Variants in STK3 observed in about 807,000 individuals in gnomAD.
STK3 encodes the protein serine/threonine-protein kinase 3.
A neutral mutation model predicts 58.0 loss-of-function variants in STK3; 41 were observed. That is an observed-to-expected ratio of 0.71 (90% confidence interval 0.55 to 0.92). The LOEUF is 0.92. Among genes scored for constraint, STK3 ranks in the 40% least tolerant of loss-of-function variants. The pLI is 0.00. For missense variants in STK3, 479 were observed against 602.7 expected, an observed-to-expected ratio of 0.79 and a Z score of 2.15; for synonymous variants, 170 against 191.0, an observed-to-expected ratio of 0.89 and a Z score of 0.91.
At chr8:98,454,557 T>C (rs989351900), downstream of STK3, 4 of 152,362 alleles carry the variant, frequency 2.6e-5, no homozygotes, top group African/African-American at 9.6e-5. Flanking sequence ...TAGCCTGTCC[T>C]AACTAATATA....
chr8:98,727,580 A>T (rs1015289274), intron 4 of STK3, among the ~76,000 whole-genome samples: 2 of 152,180 alleles, frequency 1.3e-5, no homozygotes, highest in African/African-American at 4.8e-5. Flanking sequence ...GTAAAGCACA[A>T]ACCACTGACT....
chr8:98,500,999 T>C (rs1034404988), intron 10 of STK3, among the ~76,000 whole-genome samples: 1 of 152,214 alleles, frequency 6.6e-6, no homozygotes, highest in Non-Finnish European at 1.5e-5. Flanking sequence ...TCTTCCACAA[T>C]GGTTGAACTA....
At chr8:98,678,358 TATC>T (rs1166856380) in intron 6 of STK3, among the ~76,000 whole-genome samples, 4 of 152,232 alleles carry the variant, frequency 2.6e-5, no homozygotes, top group South Asian at 2.1e-4. Context: ...AATTAAAACT[TATC>T]ATCAGAATAC....
At chr8:98,887,317 T>G (rs1346439468) in intron 1 of STK3, among the ~76,000 whole-genome samples, 3 of 152,166 alleles carry the variant, frequency 2.0e-5, no homozygotes, top group Admixed American at 1.3e-4. Context: ...TTGAATCATT[T>G]TGGAGTTCAG....
At position 98,585,749 on chromosome 8, in the gene STK3, G is replaced by C. The variant is rs190688515; in HGVS notation, c.823-5960C>G. ...ATGAGCATGGAATGTTCTTCCATTT[G>C]TTTGTATCCTCTTCTATTTTCTTGA... On this transcript the variant is annotated intron_variant, in intron 7 of 10. Transcript: ENST00000419617. Among the ~76,000 whole-genome samples the C allele has an allele frequency of 3.3e-5, 5 of 152,198 alleles. No homozygotes were observed. The East Asian group carries it at 5.8e-4, about 18-fold the overall frequency.
the STK3 span, among the ~76,000 whole-genome samples, chr8:98,354,650 A>G: frequency 6.6e-6 from 1 of 152,142 alleles, no homozygotes; most frequent in East Asian, 1.9e-4. Flanking sequence ...ATACATTCCA[A>G]TCTGGTAAAA....
intron 6 of STK3, among the ~76,000 whole-genome samples, chr8:98,700,974 GC>G (rs1405529025): frequency 6.6e-6 from 1 of 152,170 alleles, no homozygotes; most frequent in African/African-American, 2.4e-5. Context: ...CTGCACTCCA[GC>G]CTGGGTGACA....
chr8:98,415,310 A>G (rs1416518922), intron 3 of STK3, among the ~76,000 whole-genome samples: 3 of 152,234 alleles, frequency 2.0e-5, no homozygotes, highest in East Asian at 1.9e-4. Context: ...TTGTTATAGC[A>G]GCATAAATCA....
chr8:98,504,431 T>A (rs1223272803), intron 10 of STK3, among the ~76,000 whole-genome samples: 2 of 152,188 alleles, frequency 1.3e-5, no homozygotes, highest in Non-Finnish European at 2.9e-5. Flanking sequence ...ATCCTGTCAT[T>A]ATGATGTTAG....
chr8:98,511,378 T>C (rs1283461316), intron 10 of STK3, among the ~76,000 whole-genome samples: 1 of 151,980 alleles, frequency 6.6e-6, no homozygotes, highest in African/African-American at 2.4e-5. Flanking sequence ...CTATTAAGGA[T>C]TAAAAATATT....
intron 1 of STK3, among the ~76,000 whole-genome samples, chr8:98,897,479 CGT>C (rs1838498405): frequency 6.6e-6 from 1 of 151,564 alleles, no homozygotes; most frequent in African/African-American, 2.4e-5. Flanking sequence ...AGGAGAATGG[CGT>C]GAACTCGGGA....
chr8:98,905,237 C>A lies in STK3; in HGVS notation c.-78-21403G>T. ...GAAGTCGGGCTTGTGGACAACTACA[C>A]ATGCATTATCTTGCCTTGAAACTCT... On this transcript the variant is annotated intron_variant, in intron 1 of 1. Coordinates refer to the STK3 transcript ENST00000519420. 3 of 850,070 alleles carry A rather than the reference C, an allele frequency of 3.5e-6. No homozygotes were observed. In the South Asian group the frequency reaches 4.0e-5, roughly 11 times the overall value. 52.7% of individuals were successfully genotyped at this position (850,070 alleles called of 1,614,324 possible).
At chr8:98,931,592 G>T (rs924529600) in intron 1 of STK3, among the ~76,000 whole-genome samples, 4 of 152,188 alleles carry the variant, frequency 2.6e-5, no homozygotes, top group African/African-American at 9.7e-5. Context: ...TGGTTGTAAT[G>T]AGGTAACAGT....
chr8:98,648,318 A>G (rs555566214), intron 6 of STK3, among the ~76,000 whole-genome samples: 4 of 152,342 alleles, frequency 2.6e-5, no homozygotes, highest in African/African-American at 9.6e-5. Context: ...TAATGGCCGC[A>G]TGTTACAAGG....
At chr8:98,905,513 G>C in intron 1 of STK3, 1 of 1,117,504 alleles carries the variant, frequency 8.9e-7, no homozygotes, top group Non-Finnish European at 1.4e-6. Context: ...GATGCAAGTT[G>C]TGTATGGTAT....
intron 1 of STK3, among the ~76,000 whole-genome samples, chr8:98,385,566 G>A (rs1405604049): frequency 2.0e-5 from 3 of 152,040 alleles, no homozygotes; most frequent in Non-Finnish European, 4.4e-5. Flanking sequence ...AGGAAGGAGG[G>A]CGTCTCAGCT....
intron 1 of STK3, among the ~76,000 whole-genome samples, chr8:98,886,996 C>G (rs1170051924): frequency 1.3e-5 from 2 of 151,876 alleles, no homozygotes; most frequent in Non-Finnish European, 2.9e-5. Context: ...TACTTGGGAG[C>G]CTGAGGCAGG....
chr8:98,906,190 A>G (rs1838892683), intron 1 of STK3: 1 of 152,672 alleles, frequency 6.5e-6, no homozygotes, highest in East Asian at 1.9e-4. Context: ...CAGTTTTTCA[A>G]TTCCAAGGAT....
intron 1 of STK3, among the ~76,000 whole-genome samples, chr8:98,932,412 G>A (rs1251894036): frequency 6.6e-6 from 1 of 152,146 alleles, no homozygotes; most frequent in Non-Finnish European, 1.5e-5. Context: ...TGGATTCCCA[G>A]GTCTAGCTCT....
Sources: allele counts gnomAD v4.1 joint callset (sites outside exome capture counted in the v4.1 genomes callset), GRCh38; gene constraint gnomAD v4.1.1; transcripts MANE v1.5; gene names NCBI Gene and HGNC (gene_info 2026-07-23, HGNC 2026-07-21).